Variants in IGFBP5 observed in about 807,000 individuals in gnomAD.
IGFBP5 encodes insulin like growth factor binding protein 5, also known as insulin-like growth factor-binding protein 5.
In IGFBP5, 12 loss-of-function variants were observed where a neutral mutation model predicts 28.0. The observed-to-expected ratio is 0.43, with a 90% confidence interval of 0.27 to 0.69. The LOEUF (loss-of-function observed/expected upper bound fraction) is 0.69. IGFBP5 is among the 30% of genes least tolerant of loss of function. The pLI is 0.20. For missense variants in IGFBP5, 344 were observed against 381.6 expected (o/e 0.90, Z 0.82); for synonymous variants, 152 against 150.2 (o/e 1.01, Z -0.09).
At chr2:216,691,292 G>A (rs1305596445) in intron 1 of IGFBP5, among the ~76,000 whole-genome samples, 1 of 152,166 alleles carries the variant, frequency 6.6e-6, no homozygotes, top group Non-Finnish European at 1.5e-5. Flanking sequence ...AGAACCGAAA[G>A]CCAGAACCCA....
chr2:216,690,612 C>T (rs1366420274), intron 1 of IGFBP5, among the ~76,000 whole-genome samples: 2 of 151,984 alleles, frequency 1.3e-5, no homozygotes, highest in Non-Finnish European at 2.9e-5. Context: ...GCTGGTCCAC[C>T]CTCTGCAGCT....
chr2:216,679,049 G>A lies in IGFBP5; in HGVS notation c.368C>T (p.Thr123Ile), dbSNP rs142248325. 6 of 1,614,186 alleles carry A rather than the reference G, an allele frequency of 3.7e-6. No individual in the cohort carries two copies. The highest frequency in any genetic ancestry group is 1.1e-5 in the South Asian group (1 of 91,082). Residue 123 changes from threonine (T) to isoleucine (I), a missense_variant, in exon 2 of 4, where the codon ACC becomes ATC. Thr to Ile is a moderately conservative substitution (Grantham distance 89). Coordinates refer to ENST00000233813, the MANE Select transcript of IGFBP5 (RefSeq NM_000599.4). The surrounding 1 kb of genome is among the most constrained non-coding windows in gnomAD (Gnocchi z 4.6). The part of the protein sequence containing the change: ...ERDSREHEEP[T>I]TSEMAEETYS... ...GGTCTCCTCGGCCATCTCAGAGGTG[G>A]TGGGCTCCTCGTGCTCACGGGAGTC...
In IGFBP5 at chr2:216,694,653, G is replaced by C. The variant is rs764197301; in HGVS notation, c.123C>G (p.Ser41Arg). 2.6e-5 allele frequency: 40 copies of C among 1,527,974 alleles called. No individual in the cohort carries two copies. The highest frequency in any genetic ancestry group is 3.5e-5 in the Non-Finnish European group (40 of 1,141,192). The allele number at this position is 1,527,974 out of a possible 1,614,324, so 94.7% of individuals were successfully genotyped here. A position where few individuals can be genotyped will look rare whatever the true frequency, so the allele number is the denominator to read the frequency against. Reference sequence around the variant, plus strand: ...CCTTGACCAGCTCGCAGCCCAGGGGGCTGGGGGGGCACATGGAGAGGGCTT... The same window carrying C: ...CCTTGACCAGCTCGCAGCCCAGGGGCCTGGGGGGGCACATGGAGAGGGCTT... ...DEKALSMCPP[S>R]PLGCELVKEP... Residue 41 changes from serine (S) to arginine (R), a missense_variant, in exon 1 of 4, where the codon AGC becomes AGG. Coordinates refer to ENST00000233813, the MANE Select transcript of IGFBP5 (RefSeq NM_000599.4). This position sits in a 1 kb window ranked among gnomAD's most constrained non-coding sequence, Gnocchi z 5.2.
rs1305474382 is a variant in IGFBP5, at chr2:216,694,266, C to T, written c.337+173G>A. Among the ~76,000 whole-genome samples the T allele has an allele frequency of 1.3e-5, 2 of 152,078 alleles. No individual in the cohort carries two copies. The highest frequency in any genetic ancestry group is 6.5e-5 in the Admixed American group (1 of 15,278). ...GATAGACTCGGCTAGACAGTTCCCC[C>T]GGGTAGCAGGATCCTCCAGGGCTCC... is the stretch of plus-strand genomic sequence containing the variant. On this transcript the variant is annotated intron_variant, in intron 1 of 3. Coordinates refer to ENST00000233813, the MANE Select transcript of IGFBP5 (RefSeq NM_000599.4). This position sits in a 1 kb window ranked among gnomAD's most constrained non-coding sequence, Gnocchi z 5.2.
At position 216,692,322 on chromosome 2, in the gene IGFBP5, C is replaced by A. The variant is rs2106226544; in HGVS notation, c.337+2117G>T. Among the ~76,000 whole-genome samples, 1 of 148,706 alleles carries A rather than the reference C, an allele frequency of 6.7e-6. No individual in the cohort carries two copies. The highest frequency in any genetic ancestry group is 3.6e-3 in the Middle Eastern group (1 of 278). ...AAGGTGGGGGTTGAGCAAGGGGCGG[C>A]AGGGAATTCTACAGGGGATCTTGCT... is the stretch of plus-strand genomic sequence containing the variant. On this transcript the variant is annotated intron_variant, in intron 1 of 3. Transcript: ENST00000233813. The surrounding 1 kb of genome is among the most constrained non-coding windows in gnomAD (Gnocchi z 4.2).
At position 216,675,541 on chromosome 2, in the gene IGFBP5, C is replaced by A. The variant is rs1688885666; in HGVS notation, c.*1210G>T. The A allele has an allele frequency of 6.6e-6, 1 of 152,158 alleles. No individual in the cohort carries two copies. Among genetic ancestry groups the A allele is most frequent in the African/African-American group, 2.4e-5 (1 of 41,432 alleles). The allele number at this position is 152,158 out of a possible 1,614,324, so 9.4% of individuals were successfully genotyped here. On this transcript the variant is annotated 3_prime_UTR_variant, in exon 4 of 4. Transcript: ENST00000233813. ...CACACGTGGGGAATCACTGTCAAATCCAGTACTGTGCCCCACAAAAAAGCT... is the reference window on the plus strand; with the variant it reads ...CACACGTGGGGAATCACTGTCAAATACAGTACTGTGCCCCACAAAAAAGCT...
At position 216,679,474 on chromosome 2, in the gene IGFBP5, T is replaced by A. The variant is rs1688944726; in HGVS notation, c.338-395A>T. 6.6e-6 allele frequency among the ~76,000 whole-genome samples: 1 copy of A among 151,918 alleles called. No individual in the cohort carries two copies. Among genetic ancestry groups the A allele is most frequent in the Admixed American group, 6.6e-5 (1 of 15,252 alleles). On this transcript the variant is annotated intron_variant, in intron 1 of 3. Transcript: ENST00000233813. The surrounding 1 kb of genome is among the most constrained non-coding windows in gnomAD (Gnocchi z 4.6). ...GCTTGCTGGGGGATGGCCAAGTAGATGGGACATGGCTGGAGGTGGGGCTGA... is the reference window on the plus strand; with the variant it reads ...GCTTGCTGGGGGATGGCCAAGTAGAAGGGACATGGCTGGAGGTGGGGCTGA...
chr2:216,686,666 CTT>C (rs1165701093), intron 1 of IGFBP5, among the ~76,000 whole-genome samples: 13 of 112,676 alleles, frequency 1.2e-4, no homozygotes, highest in African/African-American at 3.2e-4. Context: ...TTTGACCTTT[CTT>C]TTTTTTTTTT....
chr2:216,682,288 G>C (rs1338125533), intron 1 of IGFBP5, among the ~76,000 whole-genome samples: 4 of 152,212 alleles, frequency 2.6e-5, no homozygotes, highest in Non-Finnish European at 5.9e-5. Context: ...GCTCCAGAGA[G>C]ACAGCGGAAA....
chr2:216,694,679 T>C lies in IGFBP5; in HGVS notation c.97A>G (p.Lys33Glu). The stretch of plus-strand genomic sequence containing the variant: ...CTGGGGGGGCACATGGAGAGGGCTT[T>C]CTCGTCGCAGGGCTCGCAGTGCACG... ...SFVHCEPCDE[K>E]ALSMCPPSPL... Residue 33 changes from lysine (K) to glutamate (E), a missense_variant, in exon 1 of 4, where the codon AAA becomes GAA. By Grantham distance (56) the Lys-to-Glu change is moderately conservative. Transcript: ENST00000233813. This position sits in a 1 kb window ranked among gnomAD's most constrained non-coding sequence, Gnocchi z 5.2. 6.6e-7 allele frequency: 1 copy of C among 1,523,404 alleles called. No individual in the cohort carries two copies. The highest frequency in any genetic ancestry group is 8.8e-7 in the Non-Finnish European group (1 of 1,139,226). 94.4% of individuals were successfully genotyped at this position (1,523,404 alleles called of 1,614,324 possible). A position where few individuals can be genotyped will look rare whatever the true frequency, so the allele number is the denominator to read the frequency against.
chr2:216,682,154 C>T (rs1397740875), intron 1 of IGFBP5, among the ~76,000 whole-genome samples: 1 of 152,224 alleles, frequency 6.6e-6, no homozygotes, highest in African/African-American at 2.4e-5. Context: ...TTCTGAAGAG[C>T]AGGCTTAACA....
At chr2:216,687,695 G>A (rs1184594250) in intron 1 of IGFBP5, among the ~76,000 whole-genome samples, 1 of 152,180 alleles carries the variant, frequency 6.6e-6, no homozygotes, top group Non-Finnish European at 1.5e-5. Context: ...AAATGAGAAG[G>A]TAATGGTGGG....
At chr2:216,681,842 G>A (rs1688980999) in intron 1 of IGFBP5, among the ~76,000 whole-genome samples, 1 of 152,208 alleles carries the variant, frequency 6.6e-6, no homozygotes, top group African/African-American at 2.4e-5. Flanking sequence ...TTTCTAAGAA[G>A]TGCTGTGGGC....
At chr2:216,689,822 A>G (rs1689073245) in intron 1 of IGFBP5, among the ~76,000 whole-genome samples, 1 of 152,228 alleles carries the variant, frequency 6.6e-6, no homozygotes, top group Non-Finnish European at 1.5e-5. Context: ...CAATTCCTGG[A>G]GAGACACTAG....
chr2:216,681,249 C>A (rs1403759499), intron 1 of IGFBP5, among the ~76,000 whole-genome samples: 2 of 152,168 alleles, frequency 1.3e-5, no homozygotes, highest in Non-Finnish European at 2.9e-5. Context: ...TCAGCATCAC[C>A]ACGCATTTTA....
intron 1 of IGFBP5, among the ~76,000 whole-genome samples, chr2:216,684,452 C>T (rs950624737): frequency 6.6e-6 from 1 of 152,184 alleles, no homozygotes; most frequent in Non-Finnish European, 1.5e-5. Flanking sequence ...CCTTAGCTTA[C>T]AAAAATCGAA....
Position 216,675,615 on chromosome 2 carries a change from A to G in IGFBP5, c.*1136T>C, listed in dbSNP as rs950506598. The G allele has an allele frequency of 4.6e-5, 7 of 152,154 alleles. No individual in the cohort carries two copies. The highest frequency in any genetic ancestry group is 1.7e-4 in the African/African-American group (7 of 41,420). The allele number at this position is 152,154 out of a possible 1,614,324, so 9.4% of individuals were successfully genotyped here. On this transcript the variant is annotated 3_prime_UTR_variant, in exon 4 of 4. Coordinates refer to ENST00000233813, the MANE Select transcript of IGFBP5 (RefSeq NM_000599.4). Reference sequence around the variant, plus strand: ...CTGCCTCGAGGCAGGCAAAAATGCTATTACGGGTTGTATTAGGAGAATATG... The same window carrying G: ...CTGCCTCGAGGCAGGCAAAAATGCTGTTACGGGTTGTATTAGGAGAATATG...
In IGFBP5 at chr2:216,677,969, G is replaced by A. The variant is rs866982779; in HGVS notation, c.687+143C>T. The A allele has an allele frequency of 3.4e-5, 22 of 649,106 alleles. No individual in the cohort carries two copies. In the Middle Eastern group the frequency reaches 3.5e-3, roughly 104 times the overall value. 40.2% of individuals were successfully genotyped at this position (649,106 alleles called of 1,614,324 possible). A position where few individuals can be genotyped will look rare whatever the true frequency, so the allele number is the denominator to read the frequency against. The stretch of plus-strand genomic sequence containing the variant: ...GTAGGGAATGTGGAAAGTCATGATC[G>A]TGGTATATGAATGGGTATCTGAGGC... On this transcript the variant is annotated intron_variant, in intron 3 of 3. Coordinates refer to ENST00000233813, the MANE Select transcript of IGFBP5 (RefSeq NM_000599.4).
In IGFBP5 at chr2:216,694,376, C is replaced by T; in HGVS notation, c.337+63G>A. 7.2e-7 allele frequency: 1 copy of T among 1,385,402 alleles called. No individual in the cohort carries two copies. Among genetic ancestry groups the T allele is most frequent in the Non-Finnish European group, 9.5e-7 (1 of 1,055,292 alleles). The allele number at this position is 1,385,402 out of a possible 1,614,324, so 85.8% of individuals were successfully genotyped here. A position where few individuals can be genotyped will look rare whatever the true frequency, so the allele number is the denominator to read the frequency against. On this transcript the variant is annotated intron_variant, in intron 1 of 3. Coordinates refer to ENST00000233813, the MANE Select transcript of IGFBP5 (RefSeq NM_000599.4). The surrounding 1 kb of genome is among the most constrained non-coding windows in gnomAD (Gnocchi z 5.2). ...ACTTGCTGCGCAAAGCGCGCGGGCC[C>T]AGCCGGTCTCGTGTCCCCCGCCCGT...
Sources: gnomAD v4.1 joint callset for allele counts (sites outside exome capture counted in the v4.1 genomes callset) on GRCh38, gnomAD v4.1.1 for gene constraint, Gnocchi (gnomAD v3.1) non-coding constraint, MANE v1.5 for transcripts, NCBI Gene and HGNC (gene_info 2026-07-23, HGNC 2026-07-21) for gene names.